The following IPO11 variants were observed in gnomAD, a reference collection of about 807,000 sequenced individuals.
IPO11 encodes the protein importin-11.
A neutral mutation model predicts 143.2 loss-of-function variants in IPO11; 66 were observed. The observed-to-expected ratio is 0.46, with a 90% confidence interval of 0.38 to 0.57. The LOEUF is 0.57. Among genes scored for constraint, IPO11 ranks in the 20% least tolerant of loss-of-function variants. The pLI, the probability that IPO11 is intolerant of heterozygous loss-of-function variation, is 0.00. For missense variants in IPO11, 1,026 were observed against 1,141.0 expected (o/e 0.90, Z 1.45); for synonymous variants, 385 against 377.8 (o/e 1.02, Z -0.22).
chr5:62,569,852 A>G (rs1351447732), intron 27 of IPO11, among the ~76,000 whole-genome samples: 1 of 152,234 alleles, frequency 6.6e-6, no homozygotes, highest in Non-Finnish European at 1.5e-5. Flanking sequence ...AATAATCTTT[A>G]CATTATGTAT....
chr5:62,419,927 A>G (rs2112094034), intron 1 of IPO11, among the ~76,000 whole-genome samples: 1 of 152,194 alleles, frequency 6.6e-6, no homozygotes, highest in Admixed American at 6.5e-5. Flanking sequence ...CTTGAGCCCA[A>G]GAGTTCAACG....
intron 5 of IPO11, among the ~76,000 whole-genome samples, chr5:62,463,027 G>A (rs1745425311): frequency 6.6e-6 from 1 of 151,874 alleles, no homozygotes; most frequent in Non-Finnish European, 1.5e-5. Flanking sequence ...ATGAATATAT[G>A]TGTATATATA....
At position 62,426,994 on chromosome 5, in the gene IPO11, A is replaced by G. The variant is rs144664958; in HGVS notation, c.-6-10280A>G. Reference sequence around the variant, plus strand: ...CTCTTGATGCCCAGGCTGGAGTGCAATGGCGCGATCTCGGCTCCCTGCAAT... The same window carrying G: ...CTCTTGATGCCCAGGCTGGAGTGCAGTGGCGCGATCTCGGCTCCCTGCAAT... On this transcript the variant is annotated intron_variant, in intron 1 of 29. Transcript: ENST00000325324. Among the ~76,000 whole-genome samples the G allele has an allele frequency of 7.2e-3, 970 of 135,548 alleles. 12 individuals are homozygous for G. Among genetic ancestry groups the G allele is most frequent in the African/African-American group, 0.025 (911 of 36,114 alleles). 88.9% of individuals were successfully genotyped at this position (135,548 alleles called of 152,430 possible).
chr5:62,448,661 C>T (rs1744801948), intron 3 of IPO11, among the ~76,000 whole-genome samples: 1 of 152,144 alleles, frequency 6.6e-6, no homozygotes, highest in Non-Finnish European at 1.5e-5. Context: ...AGAAATCCTC[C>T]TGTCTCAGCC....
intron 1 of IPO11, among the ~76,000 whole-genome samples, chr5:62,421,885 A>G (rs1029151029): frequency 3.9e-5 from 6 of 152,238 alleles, no homozygotes; most frequent in African/African-American, 1.4e-4. Context: ...TTCTTATAAG[A>G]TACAGCTTTA....
At chr5:62,553,332 G>GTT (rs1248573025) in intron 26 of IPO11, among the ~76,000 whole-genome samples, 1 of 77,308 alleles carries the variant, frequency 1.3e-5, no homozygotes, top group South Asian at 4.6e-4. Flanking sequence ...GAGTGTGTGT[G>GTT]TGTGTGTGTG....
At chr5:62,579,660 TA>T (rs1561371252) in intron 27 of IPO11, 17 of 1,546,670 alleles carry the variant, frequency 1.1e-5, no homozygotes, top group Non-Finnish European at 1.2e-5. Flanking sequence ...ATATATCTTA[TA>T]TAAATGAAAG....
At chr5:62,437,186 C>A in intron 1 of IPO11, 88 bp from the exon 2 acceptor site, 1 of 1,062,434 alleles carries the variant, frequency 9.4e-7, no homozygotes, top group Non-Finnish European at 1.3e-6. Flanking sequence ...TAATTCAGAA[C>A]ATGAAAGCTT....
chr5:62,447,161 A>G (rs1166000917), intron 3 of IPO11, among the ~76,000 whole-genome samples: 1 of 152,060 alleles, frequency 6.6e-6, no homozygotes, highest in Non-Finnish European at 1.5e-5. Flanking sequence ...GCTAGAGTGC[A>G]GTGATGCAAT....
chr5:62,419,910 A>G (rs915341067), intron 1 of IPO11, among the ~76,000 whole-genome samples: 2 of 152,100 alleles, frequency 1.3e-5, no homozygotes, highest in African/African-American at 2.4e-5. Flanking sequence ...CTGAGGTGGA[A>G]TGACTGCTTG....
chr5:62,463,118 T>C (rs1745431029), intron 5 of IPO11, among the ~76,000 whole-genome samples: 1 of 152,128 alleles, frequency 6.6e-6, no homozygotes, highest in Non-Finnish European at 1.5e-5. Context: ...CATAGCTCAC[T>C]GCAGCCCTGA....
intron 24 of IPO11, among the ~76,000 whole-genome samples, chr5:62,541,038 G>T (rs1179076285): frequency 2.0e-5 from 3 of 152,144 alleles, no homozygotes; most frequent in African/African-American, 7.2e-5. Context: ...TTATTAGCAA[G>T]AACTGCATAT....
At chr5:62,532,610 G>A (rs762411522) in intron 22 of IPO11, among the ~76,000 whole-genome samples, 1 of 151,998 alleles carries the variant, frequency 6.6e-6, no homozygotes, top group East Asian at 1.9e-4. Flanking sequence ...CACCTGCCTC[G>A]GCATCCTAAT....
intron 5 of IPO11, among the ~76,000 whole-genome samples, chr5:62,462,063 G>A (rs1323920902): frequency 6.6e-6 from 1 of 152,100 alleles, no homozygotes; most frequent in Non-Finnish European, 1.5e-5. Flanking sequence ...TTAATAGATC[G>A]AGATCTAACT....
intron 24 of IPO11, among the ~76,000 whole-genome samples, chr5:62,537,642 A>C (rs774713795): frequency 2.0e-5 from 3 of 152,158 alleles, no homozygotes; most frequent in Non-Finnish European, 4.4e-5. Context: ...GATACTTCTT[A>C]TTCTTTCATT....
At chr5:62,612,067 G>A (rs1322109587) in intron 29 of IPO11, among the ~76,000 whole-genome samples, 3 of 152,008 alleles carry the variant, frequency 2.0e-5, no homozygotes, top group African/African-American at 7.2e-5. Context: ...CTAACATTAT[G>A]CGATAAGTCC....
At chr5:62,513,600 G>A (rs1338397806) in intron 19 of IPO11, among the ~76,000 whole-genome samples, 12 of 140,004 alleles carry the variant, frequency 8.6e-5, no homozygotes, top group Non-Finnish European at 1.5e-4. Flanking sequence ...GCTCCTGGCT[G>A]GGCAGAGGGA....
intron 29 of IPO11, among the ~76,000 whole-genome samples, chr5:62,617,397 C>T (rs887181187): frequency 3.3e-5 from 5 of 152,086 alleles, no homozygotes; most frequent in African/African-American, 1.2e-4. Flanking sequence ...TATTCTCTCC[C>T]ATAGTGGACA....
intron 1 of IPO11, among the ~76,000 whole-genome samples, chr5:62,429,587 C>T (rs376237335): frequency 2.3e-5 from 3 of 128,502 alleles, no homozygotes; most frequent in South Asian, 2.8e-4. Context: ...GTCTGATTTT[C>T]GTGTGTGTGT....
Sources: allele counts gnomAD v4.1 joint callset (sites outside exome capture counted in the v4.1 genomes callset), GRCh38; gene constraint gnomAD v4.1.1; transcripts MANE v1.5; gene names NCBI Gene and HGNC (gene_info 2026-07-23, HGNC 2026-07-21).